The following SLIT3 variants were observed in gnomAD, a reference collection of about 807,000 sequenced individuals.
The protein encoded by SLIT3 is slit homolog 3 protein.
A neutral mutation model predicts 184.0 loss-of-function variants in SLIT3; 68 were observed. The observed-to-expected ratio is 0.37, with a 90% CI of 0.30 to 0.45. The LOEUF (loss-of-function observed/expected upper bound fraction) is 0.45, where lower values mean the gene tolerates loss of function less well. Ranked by LOEUF, SLIT3 falls within the 20% of genes least tolerant of loss-of-function variation. The probability of loss-of-function intolerance (pLI) is 1.00; values close to 1 mark genes in which losing one functional copy is unlikely to be tolerated. For missense variants in SLIT3, 1,707 were observed against 2,026.0 expected, an observed-to-expected ratio of 0.84 and a Z score of 3.02; for synonymous variants, 831 against 828.6, an observed-to-expected ratio of 1.00 and a Z score of -0.05.
chr5:169,203,968 G>A (rs1177508409), intron 3 of SLIT3, among the ~76,000 whole-genome samples: 1 of 152,102 alleles, frequency 6.6e-6, no homozygotes, highest in Non-Finnish European at 1.5e-5. Flanking sequence ...CACATATGGG[G>A]CACTCAGGGA....
Position 168,952,528 on chromosome 5 carries a change from CAAAAAAA to C in SLIT3, c.414-69199_414-69193del, listed in dbSNP as rs372134778. On this transcript the variant is annotated intron_variant, in intron 4 of 35. Transcript: ENST00000519560. ...AATCTCAGAGAAGAAGGGAAAATGC[CAAAAAAA>C]AAAAAAAAAAAAAGAGGGGAGAAGG... Among the ~76,000 whole-genome samples the C allele has an allele frequency of 1.0e-3, 79 of 77,920 alleles. 1 individual carries two copies. The highest frequency in any genetic ancestry group is 1.4e-3 in the East Asian group (4 of 2,868). 51.1% of individuals were successfully genotyped at this position (77,920 alleles called of 152,430 possible).
chr5:168,754,796 T>G (rs555445788), intron 16 of SLIT3, among the ~76,000 whole-genome samples: 22 of 152,270 alleles, frequency 1.4e-4, no homozygotes, highest in Admixed American at 1.2e-3. Flanking sequence ...GATTTGAAGT[T>G]TTTTTCTGTG....
intron 5 of SLIT3, among the ~76,000 whole-genome samples, chr5:168,863,430 T>C (rs1276238566): frequency 1.3e-5 from 2 of 152,204 alleles, no homozygotes; most frequent in Non-Finnish European, 2.9e-5. Flanking sequence ...TGGTGATTCG[T>C]TGTTGAAAGA....
rs114690730 is a variant in SLIT3 at position 168,725,537 on chromosome 5, T to C, written c.2271-1053A>G. The stretch of plus-strand genomic sequence containing the variant: ...ATCCTCTCCTATAAGAGTCAACACA[T>C]AGCCACTGCTGTCCATTTGTCAAGT... On this transcript the variant is annotated intron_variant, in intron 20 of 35. Transcript: ENST00000519560. Among the ~76,000 whole-genome samples the C allele has an allele frequency of 2.3e-3, 346 of 152,324 alleles. 1 individual carries two copies. Among genetic ancestry groups the C allele is most frequent in the African/African-American group, 7.9e-3 (329 of 41,574 alleles).
At chr5:169,138,124 T>C (rs1761589968) in intron 4 of SLIT3, among the ~76,000 whole-genome samples, 1 of 152,200 alleles carries the variant, frequency 6.6e-6, no homozygotes, top group Admixed American at 6.5e-5. Flanking sequence ...CAGATGCTGT[T>C]GGTACACCAC....
chr5:169,016,309 T>C (rs1756373511), intron 4 of SLIT3, among the ~76,000 whole-genome samples: 1 of 152,116 alleles, frequency 6.6e-6, no homozygotes. Context: ...CTTGGTCTAA[T>C]ACAGAAGCAC....
chr5:168,677,937 C>CCAGGGCTTTGAGTGGCTTTGAGCCACT (rs1761463347), intron 32 of SLIT3, among the ~76,000 whole-genome samples: 1 of 152,256 alleles, frequency 6.6e-6, no homozygotes, highest in South Asian at 2.1e-4. Context: ...TTACAGCCAC[C>CCAGGGCTTTGAGTGGCTTTGAGCCACT]CAGGGCTTTG....
chr5:169,249,461 C>T (rs10059103), intron 2 of SLIT3, among the ~76,000 whole-genome samples: 3,104 of 152,226 alleles, frequency 0.02, 100 homozygotes, highest in African/African-American at 0.071. Context: ...TTGCAGAAAG[C>T]AGATATGAAA....
intron 4 of SLIT3, among the ~76,000 whole-genome samples, chr5:168,995,056 G>T (rs1368855226): frequency 6.6e-6 from 1 of 152,096 alleles, no homozygotes; most frequent in Non-Finnish European, 1.5e-5. Context: ...AGTGAAATCT[G>T]GTGTCTTGCC....
At chr5:168,884,549 G>GATATATATATATAA (rs1554153413) in intron 4 of SLIT3, among the ~76,000 whole-genome samples, 1 of 41,138 alleles carries the variant, frequency 2.4e-5, no homozygotes, top group Non-Finnish European at 4.1e-5. Flanking sequence ...CCAATTACGA[G>GATATATATATATAA]ATATATATAT....
intron 1 of SLIT3, among the ~76,000 whole-genome samples, chr5:169,264,575 AAAGGACCT>A (rs1766325863): frequency 6.6e-6 from 1 of 152,096 alleles, no homozygotes. Flanking sequence ...TCCCCAGTCC[AAAGGACCT>A]AATGCCACCC....
intron 3 of SLIT3, among the ~76,000 whole-genome samples, chr5:169,205,038 G>A (rs1181795960): frequency 6.6e-6 from 1 of 152,158 alleles, no homozygotes; most frequent in Non-Finnish European, 1.5e-5. Flanking sequence ...GAAGAGAGGG[G>A]CCCAGGAATT....
chr5:168,964,995 C>T (rs1483419082), intron 4 of SLIT3, among the ~76,000 whole-genome samples: 1 of 152,156 alleles, frequency 6.6e-6, no homozygotes, highest in Non-Finnish European at 1.5e-5. Flanking sequence ...CTGAGACTCA[C>T]CCAGGGCACA....
intron 3 of SLIT3, among the ~76,000 whole-genome samples, chr5:169,238,275 T>C (rs1172081605): frequency 6.6e-6 from 1 of 152,156 alleles, no homozygotes; most frequent in Non-Finnish European, 1.5e-5. Flanking sequence ...ATTAAATTTC[T>C]GAGTTTTTGA....
chr5:169,060,651 T>C (rs1463112433), intron 4 of SLIT3, among the ~76,000 whole-genome samples: 2 of 152,218 alleles, frequency 1.3e-5, no homozygotes, highest in African/African-American at 4.8e-5. Flanking sequence ...CTCTTCTCTA[T>C]TGCACCAAGT....
At chr5:168,686,650 GC>G (rs1448134542) in intron 30 of SLIT3, among the ~76,000 whole-genome samples, 2 of 152,218 alleles carry the variant, frequency 1.3e-5, no homozygotes, top group African/African-American at 2.4e-5. Flanking sequence ...CACCTTGCAA[GC>G]TGGGCTTCAA....
chr5:168,813,823 A>C (rs1277089745), intron 8 of SLIT3, among the ~76,000 whole-genome samples: 2 of 152,150 alleles, frequency 1.3e-5, no homozygotes, highest in Non-Finnish European at 2.9e-5. Context: ...GAGCGAGATA[A>C]AGCTCTTTCC....
At chr5:168,718,707 C>CACACACACACACACACACAT (rs1366690323) in intron 23 of SLIT3, among the ~76,000 whole-genome samples, 1 of 149,648 alleles carries the variant, frequency 6.7e-6, no homozygotes, top group Non-Finnish European at 1.5e-5. Context: ...CACACACACA[C>CACACACACACACACACACAT]ACACACACAC....
At chr5:169,082,993 G>A (rs1759133785) in intron 4 of SLIT3, among the ~76,000 whole-genome samples, 1 of 152,152 alleles carries the variant, frequency 6.6e-6, no homozygotes, top group Admixed American at 6.5e-5. Flanking sequence ...AGTGATCACA[G>A]AATCTGAAAC....
Sources: gnomAD v4.1 joint callset for allele counts (sites outside exome capture counted in the v4.1 genomes callset) on GRCh38, gnomAD v4.1.1 for gene constraint, MANE v1.5 for transcripts, NCBI Gene and HGNC (gene_info 2026-07-23, HGNC 2026-07-21) for gene names.